The following HEXA variants were observed in gnomAD, a reference collection of about 807,000 sequenced individuals.
HEXA encodes beta-hexosaminidase subunit alpha.
HEXA carries 54 observed loss-of-function variants against 73.3 expected under a neutral mutation model. The ratio of observed to expected loss-of-function variants is 0.74; its 90% confidence interval spans 0.59 to 0.92. The LOEUF is 0.92. Among genes scored for constraint, HEXA ranks in the 40% least tolerant of loss-of-function variants. The pLI, the probability that HEXA is intolerant of heterozygous loss-of-function variation, is 0.00. For missense variants in HEXA, 649 were observed against 653.0 expected (o/e 0.99, Z 0.07); for synonymous variants, 230 against 246.9 (o/e 0.93, Z 0.64).
chr15:72,364,515 C>T (rs2088891628), intron 1 of HEXA, among the ~76,000 whole-genome samples: 1 of 152,040 alleles, frequency 6.6e-6, no homozygotes, highest in Non-Finnish European at 1.5e-5. Context: ...TTATAAACAA[C>T]ACTCTAGTAA....
At chr15:72,362,417 T>A in intron 1 of HEXA, 1 of 455,846 alleles carries the variant, frequency 2.2e-6, no homozygotes, top group Non-Finnish European at 4.4e-6. Context: ...AATCTCAGTG[T>A]CTTTGTATTC....
In HEXA at chr15:72,349,132, G is replaced by A. The variant is rs2088661117; in HGVS notation, c.933C>T (p.Val311=). The A allele has an allele frequency of 1.8e-5, 29 of 1,614,066 alleles. No individual in the cohort carries two copies. The highest frequency in any genetic ancestry group is 2.5e-5 in the Non-Finnish European group (29 of 1,179,924). The stretch of plus-strand genomic sequence containing the variant: ...CAAGATGAAGATAAAAATCTGGGAA[G>A]ACAGAGCTGACTTCTAAGAAGAATG... ...MSTFFLEVSS[V]FPDFYLHLGG... The change falls in exon 8 of 14, where the codon GTC becomes GTT. Residue 311 remains valine, a synonymous_variant. Transcript: ENST00000268097.
At chr15:72,362,598 T>C in intron 1 of HEXA, 2 of 409,922 alleles carry the variant, frequency 4.9e-6, no homozygotes, top group Admixed American at 5.2e-5. Context: ...ATTTCTGAAA[T>C]CCTGAGACTG....
chr15:72,366,412 G>A (rs1374313536), intron 1 of HEXA, among the ~76,000 whole-genome samples: 1 of 151,648 alleles, frequency 6.6e-6, no homozygotes, highest in African/African-American at 2.4e-5. Flanking sequence ...AGGCTCAAGT[G>A]ATCCTCCTAC....
In HEXA at chr15:72,345,534, C is replaced by A; in HGVS notation, c.1438G>T (p.Val480Phe). Residue 480 changes from valine (V) to phenylalanine (F), a missense_variant, in exon 13 of 14, where the codon GTT becomes TTT. Coordinates refer to ENST00000268097, the MANE Select transcript of HEXA (RefSeq NM_000520.6). ...VPRLWPRAGA[V>F]AERLWSNKLT... ...TTGTTGCTCCACAGCCTTTCGGCAA[C>A]AGCCCCTGCTCTGGGCCTGGAGGAA... 1 of 1,614,224 alleles carries A rather than the reference C, an allele frequency of 6.2e-7. No homozygotes were observed. Among genetic ancestry groups the A allele is most frequent in the South Asian group, 1.1e-5 (1 of 91,088 alleles).
chr15:72,367,996 G>A (rs1204254370), intron 1 of HEXA, among the ~76,000 whole-genome samples: 1 of 151,018 alleles, frequency 6.6e-6, no homozygotes, highest in Non-Finnish European at 1.5e-5. Context: ...CACTCTGTCT[G>A]TATCCCCACT....
At chr15:72,345,704 T>G in intron 12 of HEXA, 154 bp from the exon 13 acceptor site, 1 of 1,306,710 alleles carries the variant, frequency 7.7e-7, no homozygotes, top group South Asian at 1.3e-5. Flanking sequence ...CCAGGTTGGA[T>G]GGCTCCCAGA....
chr15:72,346,898 A>C, intron 10 of HEXA, 188 bp from the exon 11 acceptor site: 7 of 644,598 alleles, frequency 1.1e-5, no homozygotes, highest in Non-Finnish European at 2.0e-5. Context: ...CAGGGCCCTA[A>C]GAGGCCTCCC....
At position 72,346,797 on chromosome 15, in the gene HEXA, G is replaced by A. The variant is rs1595797413; in HGVS notation, c.1147-87C>T. 7 of 1,218,010 alleles carry A rather than the reference G, an allele frequency of 5.7e-6. No homozygotes were observed. In the East Asian group the frequency reaches 9.3e-5, roughly 16 times the overall value. 75.5% of individuals were successfully genotyped at this position (1,218,010 alleles called of 1,614,324 possible). ...CATACACAGGCAACATGGGACAACA[G>A]GTATGTGCTCCCTCTGTTCCCCAGC... On this transcript the variant is annotated intron_variant, in intron 10 of 13. Coordinates refer to ENST00000268097, the MANE Select transcript of HEXA (RefSeq NM_000520.6).
chr15:72,343,804 G>A lies in HEXA; in HGVS notation c.*273C>T. On this transcript the variant is annotated 3_prime_UTR_variant, in exon 14 of 14. Coordinates refer to ENST00000268097, the MANE Select transcript of HEXA (RefSeq NM_000520.6). ...CAGCCCTCAACTTAAAAGACCTCAG[G>A]GGCAGACACTGACTCCAGCCTGGCT... The A allele has an allele frequency of 2.3e-6, 1 of 426,660 alleles. No homozygotes were observed. The highest frequency in any genetic ancestry group is 2.1e-5 in the South Asian group (1 of 47,716). The allele number at this position is 426,660 out of a possible 1,614,324, so 26.4% of individuals were successfully genotyped here.
chr15:72,366,984 C>T (rs1160054194), intron 1 of HEXA, among the ~76,000 whole-genome samples: 2 of 151,930 alleles, frequency 1.3e-5, no homozygotes, highest in African/African-American at 4.8e-5. Flanking sequence ...ACTCCTGTTG[C>T]CCAGGCTGGA....
Position 72,343,806 on chromosome 15 carries a change from G to A in HEXA, c.*271C>T. On this transcript the variant is annotated 3_prime_UTR_variant, in exon 14 of 14. Transcript: ENST00000268097. ...GCCCTCAACTTAAAAGACCTCAGGG[G>A]CAGACACTGACTCCAGCCTGGCTGT... The A allele has an allele frequency of 2.3e-6, 1 of 428,332 alleles. No homozygotes were observed. The highest frequency in any genetic ancestry group is 4.4e-6 in the Non-Finnish European group (1 of 228,190). The allele number at this position is 428,332 out of a possible 1,614,324, so 26.5% of individuals were successfully genotyped here.
At chr15:72,367,237 C>G (rs2140337297) in intron 1 of HEXA, among the ~76,000 whole-genome samples, 1 of 152,298 alleles carries the variant, frequency 6.6e-6, no homozygotes, top group East Asian at 1.9e-4. Context: ...GCCACCACGA[C>G]CACCAATTTA....
chr15:72,347,699 T>C lies in HEXA; in HGVS notation c.1133A>G (p.Asp378Gly), dbSNP rs761220941. 6.2e-7 allele frequency: 1 copy of C among 1,614,104 alleles called. No individual in the cohort carries two copies. The highest frequency in any genetic ancestry group is 8.5e-7 in the Non-Finnish European group (1 of 1,179,992). The change falls in exon 10 of 14, where the codon GAT becomes GGT. Residue 378 changes from aspartate (D) to glycine (G), a missense_variant. By Grantham distance (94) the Asp-to-Gly change is moderately conservative. Coordinates refer to ENST00000268097, the MANE Select transcript of HEXA (RefSeq NM_000520.6). ...GCCCCGGCTCACCTTTACTTTATTA[T>C]CAAACACCTCCTGCCACACCACATA... ...KGYVVWQEVF[D>G]NKVKIQPDTI...
In HEXA at chr15:72,344,026, T is replaced by A; in HGVS notation, c.*51A>T. 1 of 1,479,490 alleles carries A rather than the reference T, an allele frequency of 6.8e-7. No individual in the cohort carries two copies. The allele number at this position is 1,479,490 out of a possible 1,614,324, so 91.6% of individuals were successfully genotyped here. On this transcript the variant is annotated 3_prime_UTR_variant, in exon 14 of 14. Coordinates refer to ENST00000268097, the MANE Select transcript of HEXA (RefSeq NM_000520.6). Reference sequence around the variant, plus strand: ...CCCTGGCCAGGATGCAGTGGAAGCCTGGCTCCACTACCATTCACCTACAGC... The same window carrying A: ...CCCTGGCCAGGATGCAGTGGAAGCCAGGCTCCACTACCATTCACCTACAGC...
At position 72,343,993 on chromosome 15, in the gene HEXA, G is replaced by T; in HGVS notation, c.*84C>A. ...CAGGCAAGGGGCACGAAGGCAAGGGGCTCCGTCCCCTGGCCAGGATGCAGT... is the reference window on the plus strand; with the variant it reads ...CAGGCAAGGGGCACGAAGGCAAGGGTCTCCGTCCCCTGGCCAGGATGCAGT... On this transcript the variant is annotated 3_prime_UTR_variant, in exon 14 of 14. Transcript: ENST00000268097. 2 of 1,196,992 alleles carry T rather than the reference G, an allele frequency of 1.7e-6. No individual in the cohort carries two copies. The highest frequency in any genetic ancestry group is 1.7e-5 in the Admixed American group (1 of 59,200). 74.1% of individuals were successfully genotyped at this position (1,196,992 alleles called of 1,614,324 possible).
At position 72,346,544 on chromosome 15, in the gene HEXA, T is replaced by C; in HGVS notation, c.1313A>G (p.Glu438Gly). ...GCTTTCACCTTCAAATGCCAGGGGT[T>C]CCACTATGTAGAAATCCTTCCAGTC... ...GPDWKDFYIV[E>G]PLAFEGTPEQ... Residue 438 changes from glutamate to glycine, a missense_variant, in exon 11 of 14, where the codon GAA becomes GGA. Transcript: ENST00000268097. 1 of 1,613,978 alleles carries C rather than the reference T, an allele frequency of 6.2e-7. No individual in the cohort carries two copies. Among genetic ancestry groups the C allele is most frequent in the South Asian group, 1.1e-5 (1 of 91,072 alleles).
rs2088553044 is a variant in HEXA at position 72,341,349 on chromosome 15, G to A, written c.*2728C>T. 6.6e-6 allele frequency: 1 copy of A among 152,150 alleles called. No homozygotes were observed. The highest frequency in any genetic ancestry group is 1.5e-5 in the Non-Finnish European group (1 of 68,062). 9.4% of individuals were successfully genotyped at this position (152,150 alleles called of 1,614,324 possible). ...TTGAGAAGCACCTGAAAACACCAGT[G>A]ACCTAGCTTTATTAGATTCCTCGAA... On this transcript the variant is annotated 3_prime_UTR_variant, in exon 14 of 14. Transcript: ENST00000268097.
At position 72,375,937 on chromosome 15, in the gene HEXA, C is replaced by G. The variant is rs2140344844; in HGVS notation, c.36G>C (p.Leu12=). The G allele has an allele frequency of 3.1e-6, 5 of 1,614,140 alleles. No homozygotes were observed. Among genetic ancestry groups the G allele is most frequent in the Non-Finnish European group, 4.2e-6 (5 of 1,180,034 alleles). ...TCGCCCGTCCTGCGAACGCTGCCGC[C>G]AGCAGCAGCGAAAACCAAAGCCTGG... ...TSSRLWFSLL[L]AAAFAGRATA... Residue 12 remains leucine, a synonymous_variant, in exon 1 of 14, where the codon CTG becomes CTC. Coordinates refer to ENST00000268097, the MANE Select transcript of HEXA (RefSeq NM_000520.6).
Sources: allele counts gnomAD v4.1 joint callset (sites outside exome capture counted in the v4.1 genomes callset), GRCh38; gene constraint gnomAD v4.1.1; transcripts MANE v1.5; gene names NCBI Gene and HGNC (gene_info 2026-07-23, HGNC 2026-07-21).